EMP2: variants seen among roughly 807,000 people sequenced by gnomAD.
EMP2 encodes the protein epithelial membrane protein 2.
A neutral mutation model predicts 13.7 loss-of-function variants in EMP2; 19 were observed. That is an observed-to-expected ratio of 1.38 (90% CI 0.97 to 2.03). The LOEUF (loss-of-function observed/expected upper bound fraction) is 2.03. Among genes scored for constraint, EMP2 ranks in the 30% most tolerant of loss-of-function variants. The probability of loss-of-function intolerance (pLI) is 0.00; values close to 1 mark genes in which losing one functional copy is unlikely to be tolerated. For missense variants in EMP2, 253 were observed against 220.7 expected, an observed-to-expected ratio of 1.15 and a Z score of -0.93; for synonymous variants, 97 against 84.7, an observed-to-expected ratio of 1.15 and a Z score of -0.80.
intron 1 of EMP2, among the ~76,000 whole-genome samples, chr16:10,549,802 C>T (rs952648314): frequency 5.3e-5 from 8 of 151,468 alleles, no homozygotes; most frequent in African/African-American, 1.7e-4. Context: ...CTAAACCATA[C>T]AACTAAGTGC....
chr16:10,556,701 T>C (rs1005781687), intron 1 of EMP2, among the ~76,000 whole-genome samples: 2 of 152,190 alleles, frequency 1.3e-5, no homozygotes, highest in Non-Finnish European at 2.9e-5. Flanking sequence ...TTCATGTCAA[T>C]CTTATGATGC....
chr16:10,576,001 A>C (rs1384177961), intron 1 of EMP2, among the ~76,000 whole-genome samples: 1 of 152,062 alleles, frequency 6.6e-6, no homozygotes, highest in Admixed American at 6.5e-5. Flanking sequence ...CCATCTCCCC[A>C]AAAGCAGGCA....
At chr16:10,571,940 G>A (rs35410645) in intron 1 of EMP2, among the ~76,000 whole-genome samples, 52,739 of 152,030 alleles carry the variant, frequency 0.35, 9,585 homozygotes, top group Non-Finnish European at 0.4. Context: ...CTGGGCTCTA[G>A]GCCCTGGGCT....
rs951059132 is a variant in EMP2, at chr16:10,546,161, C to T, written c.78+1379G>A. Reference sequence around the variant, plus strand: ...ATGCATAAAAGGGCCACAGTGATCGCTAAGTGACAGGCATTATAGTTTATG... The same window carrying T: ...ATGCATAAAAGGGCCACAGTGATCGTTAAGTGACAGGCATTATAGTTTATG... On this transcript the variant is annotated intron_variant, in intron 2 of 4. Transcript: ENST00000359543. 3.9e-5 allele frequency: 6 copies of T among 152,166 alleles called. No homozygotes were observed. The East Asian group carries it at 7.7e-4, about 20-fold the overall frequency. The allele number at this position is 152,166 out of a possible 1,614,324, so 9.4% of individuals were successfully genotyped here. A position where few individuals can be genotyped will look rare whatever the true frequency, so the allele number is the denominator to read the frequency against.
chr16:10,542,930 C>T (rs1323218073), intron 3 of EMP2, among the ~76,000 whole-genome samples: 1 of 152,228 alleles, frequency 6.6e-6, no homozygotes, highest in Admixed American at 6.5e-5. Context: ...ACCGCAACCT[C>T]CGCCTCCTGG....
chr16:10,532,277 G>A lies in EMP2; in HGVS notation c.*628C>T, dbSNP rs948804444. ...GCAGGTTAAGGATGACCATTCCTAA[G>A]GCAAGCAGGTGACACTGTCGGCAAA... is the stretch of plus-strand genomic sequence containing the variant. On this transcript the variant is annotated 3_prime_UTR_variant, in exon 5 of 5. Coordinates refer to ENST00000359543, the MANE Select transcript of EMP2 (RefSeq NM_001424.6). 7 of 154,334 alleles carry A rather than the reference G, an allele frequency of 4.5e-5. No individual in the cohort carries two copies. Among genetic ancestry groups the A allele is most frequent in the Non-Finnish European group, 1.0e-4 (7 of 68,242 alleles). 9.6% of individuals were successfully genotyped at this position (154,334 alleles called of 1,614,324 possible).
In EMP2 at chr16:10,533,050, C is replaced by A. The variant is rs370673124; in HGVS notation, c.359G>T (p.Arg120Leu). Residue 120 changes from arginine (R) to leucine (L), a missense_variant, in exon 5 of 5, where the codon CGT becomes CTT. Arg to Leu is a moderately radical substitution (Grantham distance 102). Coordinates refer to ENST00000359543, the MANE Select transcript of EMP2 (RefSeq NM_001424.6). The part of the protein sequence containing the change: ...MIAASIYTDR[R>L]EDIHDKNAKF... ...CGCGTTTTTGTCGTGAATGTCTTCA[C>A]GCCTGTCTGTATAAATGGAGGCCGC... is the stretch of plus-strand genomic sequence containing the variant. 2 of 1,608,686 alleles carry A rather than the reference C, an allele frequency of 1.2e-6. No individual in the cohort carries two copies. The highest frequency in any genetic ancestry group is 2.7e-5 in the African/African-American group (2 of 74,688).
In EMP2 at chr16:10,547,685, G is replaced by C. The variant is rs1282291019; in HGVS notation, c.-60-8C>G. 6.8e-7 allele frequency: 1 copy of C among 1,471,842 alleles called. No individual in the cohort carries two copies. Among genetic ancestry groups the C allele is most frequent in the East Asian group, 2.3e-5 (1 of 43,756 alleles). The allele number at this position is 1,471,842 out of a possible 1,614,324, so 91.2% of individuals were successfully genotyped here. A position where few individuals can be genotyped will look rare whatever the true frequency, so the allele number is the denominator to read the frequency against. On this transcript the variant is annotated splice_region_variant and splice_polypyrimidine_tract_variant and intron_variant, in intron 1 of 4. Coordinates refer to ENST00000359543, the MANE Select transcript of EMP2 (RefSeq NM_001424.6). The stretch of plus-strand genomic sequence containing the variant: ...AGCCCAGAGCGGGATGTGCTGAAGA[G>C]GGTAAGAAAGAGAAATTCAAAATCT...
At chr16:10,561,786 G>A (rs2050873085) in intron 1 of EMP2, among the ~76,000 whole-genome samples, 1 of 152,150 alleles carries the variant, frequency 6.6e-6, no homozygotes, top group African/African-American at 2.4e-5. Flanking sequence ...TATAGATGGT[G>A]CTCAGTGAAT....
In EMP2 at chr16:10,537,986, G is replaced by T. The variant is rs1454542599; in HGVS notation, c.258C>A (p.Leu86=). Reference sequence around the variant, plus strand: ...ACCTCTCTCCCTGCTTCAGGCGGAAGAGCTGGAGCACGAAGATGAAGAAGG... The same window carrying T: ...ACCTCTCTCCCTGCTTCAGGCGGAATAGCTGGAGCACGAAGATGAAGAAGG... ...CIAFFIFVLQ[L]FRLKQGERFV... Residue 86 remains leucine, a synonymous_variant, in exon 4 of 5, where the codon CTC becomes CTA. Coordinates refer to ENST00000359543, the MANE Select transcript of EMP2 (RefSeq NM_001424.6). 1.2e-6 allele frequency: 2 copies of T among 1,614,176 alleles called. No homozygotes were observed. Among genetic ancestry groups the T allele is most frequent in the Non-Finnish European group, 1.7e-6 (2 of 1,180,036 alleles).
intron 4 of EMP2, among the ~76,000 whole-genome samples, chr16:10,533,984 A>G (rs1403558063): frequency 6.6e-6 from 1 of 151,942 alleles, no homozygotes; most frequent in African/African-American, 2.4e-5. Context: ...GTGTGGTGGT[A>G]GGTGCCTGTA....
chr16:10,562,386 A>C (rs11865844), intron 1 of EMP2, among the ~76,000 whole-genome samples: 11,109 of 101,308 alleles, frequency 0.11, 679 homozygotes, highest in African/African-American at 0.27. Flanking sequence ...CTCTCTATCT[A>C]TCTCTCTCTC....
intron 1 of EMP2, among the ~76,000 whole-genome samples, chr16:10,561,943 T>C (rs2050874163): frequency 6.6e-6 from 1 of 152,222 alleles, no homozygotes; most frequent in African/African-American, 2.4e-5. Context: ...TCTCTTCTCA[T>C]GGAGGAAACT....
At chr16:10,559,674 G>A (rs927218746) in intron 1 of EMP2, among the ~76,000 whole-genome samples, 1 of 152,132 alleles carries the variant, frequency 6.6e-6, no homozygotes, top group African/African-American at 2.4e-5. Context: ...AATTAGCCTT[G>A]CTTTATTTTT....
intron 1 of EMP2, among the ~76,000 whole-genome samples, chr16:10,574,186 C>T (rs2050966996): frequency 6.6e-6 from 1 of 152,108 alleles, no homozygotes; most frequent in Admixed American, 6.5e-5. Context: ...GATCTGCCTG[C>T]CTTGGCCTCC....
chr16:10,530,180 G>A lies in EMP2; in HGVS notation c.*2725C>T, dbSNP rs1023460469. 6.6e-6 allele frequency: 1 copy of A among 152,166 alleles called. No individual in the cohort carries two copies. Among genetic ancestry groups the A allele is most frequent in the African/African-American group, 2.4e-5 (1 of 41,412 alleles). 9.4% of individuals were successfully genotyped at this position (152,166 alleles called of 1,614,324 possible). On this transcript the variant is annotated 3_prime_UTR_variant, in exon 5 of 5. Coordinates refer to ENST00000359543, the MANE Select transcript of EMP2 (RefSeq NM_001424.6). The stretch of plus-strand genomic sequence containing the variant: ...TACTGCATTGGTGGCTTCTCCATAG[G>A]GAGGGGGTCCTATCTCATAGACTCC...
In EMP2 at chr16:10,543,687, A is replaced by T. The variant is rs766320257; in HGVS notation, c.79-27T>A. On this transcript the variant is annotated intron_variant, in intron 2 of 4. Coordinates refer to ENST00000359543, the MANE Select transcript of EMP2 (RefSeq NM_001424.6). The stretch of plus-strand genomic sequence containing the variant: ...TGTAACACAAAATGGAAATAGAGAG[A>T]AAGGCCGTCCGTTCATGATGCAAAC... 1.9e-6 allele frequency: 3 copies of T among 1,610,108 alleles called. No homozygotes were observed. In the African/African-American group the frequency reaches 4.0e-5, roughly 22 times the overall value.
chr16:10,566,488 A>G (rs937481630), intron 1 of EMP2, among the ~76,000 whole-genome samples: 1 of 152,222 alleles, frequency 6.6e-6, no homozygotes, highest in African/African-American at 2.4e-5. Context: ...CCCCTTGATG[A>G]AATCAGAAGA....
intron 1 of EMP2, among the ~76,000 whole-genome samples, chr16:10,552,954 G>A (rs1040387996): frequency 6.6e-6 from 1 of 152,180 alleles, no homozygotes; most frequent in African/African-American, 2.4e-5. Flanking sequence ...GGCAGTTAGA[G>A]GTTGGTTTCA....
Sources: gnomAD v4.1 joint callset for allele counts (sites outside exome capture counted in the v4.1 genomes callset) on GRCh38, gnomAD v4.1.1 for gene constraint, MANE v1.5 for transcripts, NCBI Gene and HGNC (gene_info 2026-07-23, HGNC 2026-07-21) for gene names.